Variants in USH2A observed in about 807,000 individuals in gnomAD.
USH2A encodes the protein usherin, also known as Usher syndrome 2A (autosomal recessive, mild).
USH2A carries 443 observed loss-of-function variants against 538.9 expected under a neutral mutation model. The observed-to-expected ratio is 0.82, with a 90% CI of 0.76 to 0.89. USH2A has a LOEUF of 0.89. Ranked by LOEUF, USH2A falls within the 40% of genes least tolerant of loss-of-function variation. USH2A has a pLI of 0.00. For missense variants in USH2A, 6,633 were observed against 6,324.8 expected, an observed-to-expected ratio of 1.05 and a Z score of -1.65; for synonymous variants, 2,413 against 2,273.5, an observed-to-expected ratio of 1.06 and a Z score of -1.75.
At chr1:216,150,291 T>C (rs1275365856) in intron 21 of USH2A, among the ~76,000 whole-genome samples, 4 of 152,250 alleles carry the variant, frequency 2.6e-5, no homozygotes, top group African/African-American at 9.6e-5. Context: ...TTAAAGTGGA[T>C]AGATGATCTT....
At chr1:215,964,405 C>A (rs540795977) in intron 37 of USH2A, among the ~76,000 whole-genome samples, 4 of 152,176 alleles carry the variant, frequency 2.6e-5, no homozygotes, top group African/African-American at 4.8e-5. Flanking sequence ...AATAACCACC[C>A]TTTTCAAATT....
At chr1:216,224,376 CT>C (rs2035521539) in intron 14 of USH2A, among the ~76,000 whole-genome samples, 2 of 152,066 alleles carry the variant, frequency 1.3e-5, no homozygotes, top group South Asian at 2.1e-4. Context: ...ACACTATATA[CT>C]TTTTTGCATT....
intron 61 of USH2A, among the ~76,000 whole-genome samples, chr1:215,685,303 T>C (rs1658384908): frequency 6.6e-6 from 1 of 151,572 alleles, no homozygotes; most frequent in African/African-American, 2.4e-5. Flanking sequence ...CATATTTATG[T>C]CTAATACTAT....
chr1:215,877,974 T>C, intron 42 of USH2A, 94 bp from the exon 43 acceptor site: 2 of 1,527,244 alleles, frequency 1.3e-6, no homozygotes, highest in African/African-American at 1.4e-5. Context: ...GCGTGTGATA[T>C]ATGCGTGGAA....
chr1:215,979,099 G>GAAGGA (rs2102465175), intron 35 of USH2A, among the ~76,000 whole-genome samples: 1 of 152,304 alleles, frequency 6.6e-6, no homozygotes, highest in South Asian at 2.1e-4. Context: ...GGCAGAAGGT[G>GAAGGA]GAGGAGGAGC....
At chr1:216,273,798 T>C (rs576662151) in intron 11 of USH2A, among the ~76,000 whole-genome samples, 89 of 144,984 alleles carry the variant, frequency 6.1e-4, no homozygotes, top group African/African-American at 2.3e-3. Flanking sequence ...TTACCCCAAA[T>C]TGTCCTCCAA....
intron 49 of USH2A, among the ~76,000 whole-genome samples, chr1:215,806,711 A>C (rs1662512131): frequency 6.6e-6 from 1 of 152,104 alleles, no homozygotes; most frequent in African/African-American, 2.4e-5. Flanking sequence ...CAAAATGATA[A>C]AAGACTTGTG....
intron 22 of USH2A, among the ~76,000 whole-genome samples, chr1:216,091,954 G>A (rs561692769): frequency 6.6e-6 from 1 of 152,206 alleles, no homozygotes; most frequent in African/African-American, 2.4e-5. Context: ...CACTTTGAGA[G>A]GCCAAGGTGG....
At chr1:216,010,182 C>T (rs964062318) in intron 32 of USH2A, among the ~76,000 whole-genome samples, 13 of 152,156 alleles carry the variant, frequency 8.5e-5, no homozygotes, top group African/African-American at 2.4e-4. Flanking sequence ...CACTGTGAGA[C>T]GAACCCCAGC....
intron 61 of USH2A, among the ~76,000 whole-genome samples, chr1:215,720,998 A>G (rs906085358): frequency 1.3e-5 from 2 of 152,178 alleles, no homozygotes; most frequent in African/African-American, 2.4e-5. Flanking sequence ...AGAAAGAGGA[A>G]AATGACCATG....
intron 21 of USH2A, among the ~76,000 whole-genome samples, chr1:216,139,349 T>A (rs1423516072): frequency 6.6e-6 from 1 of 151,194 alleles, no homozygotes; most frequent in Non-Finnish European, 1.5e-5. Context: ...GTTAAAAATC[T>A]CGAAGTTATA....
intron 23 of USH2A, chr1:216,087,055 C>T (rs1335123572): frequency 1.2e-5 from 6 of 482,742 alleles, no homozygotes; most frequent in East Asian, 8.5e-5. Context: ...TACCCATAGG[C>T]ACCCCCTAAG....
intron 21 of USH2A, among the ~76,000 whole-genome samples, chr1:216,146,844 C>A (rs2033716752): frequency 1.3e-5 from 2 of 152,138 alleles, no homozygotes; most frequent in African/African-American, 4.8e-5. Context: ...CTCCTTTAGC[C>A]TGTGTCCTTA....
In USH2A at chr1:215,624,325, C is replaced by T. The variant is rs1412619800; in HGVS notation, c.*1456G>A. 1 of 152,024 alleles carries T rather than the reference C, an allele frequency of 6.6e-6. No individual in the cohort carries two copies. The highest frequency in any genetic ancestry group is 1.5e-5 in the Non-Finnish European group (1 of 67,996). 9.4% of individuals were successfully genotyped at this position (152,024 alleles called of 1,614,324 possible). The stretch of plus-strand genomic sequence containing the variant: ...ACAGAGCTAGATGAAATCTCAATAC[C>T]CAAAAAGTCCACAATCTTTTACTGT... On this transcript the variant is annotated 3_prime_UTR_variant, in exon 72 of 72. Transcript: ENST00000307340.
At chr1:215,745,894 G>C (rs1475646738) in intron 58 of USH2A, among the ~76,000 whole-genome samples, 3 of 152,156 alleles carry the variant, frequency 2.0e-5, no homozygotes, top group Non-Finnish European at 4.4e-5. Context: ...ACAAATGATG[G>C]ATAAGTAAAA....
intron 7 of USH2A, 84 bp from the exon 8 acceptor site, chr1:216,323,779 A>G: frequency 1.6e-6 from 2 of 1,249,072 alleles, no homozygotes; most frequent in South Asian, 1.2e-5. Flanking sequence ...AAATTACTAC[A>G]CAGTATCAAT....
chr1:216,143,316 T>C (rs912653175), intron 21 of USH2A, among the ~76,000 whole-genome samples: 2 of 152,172 alleles, frequency 1.3e-5, no homozygotes, highest in Admixed American at 1.3e-4. Flanking sequence ...TCAGATATTA[T>C]CTAGCATAAA....
rs190557238 is a variant in USH2A at position 215,774,227 on chromosome 1, T to C, written c.10939+5616A>G. Among the ~76,000 whole-genome samples the C allele has an allele frequency of 9.9e-5, 15 of 152,278 alleles. 1 individual carries two copies. In the East Asian group the frequency reaches 2.5e-3, roughly 26 times the overall value. On this transcript the variant is annotated intron_variant, in intron 55 of 71. Coordinates refer to ENST00000307340, the MANE Select transcript of USH2A (RefSeq NM_206933.4). ...GACTTTTAGTTCTGACTACTTGCTA[T>C]AAGCTAACTTGCGTTATTAATTCTA... is the stretch of plus-strand genomic sequence containing the variant.
rs573994360 is a variant in USH2A, at chr1:216,187,453, T to C, written c.4396+2770A>G. 7.5e-4 allele frequency among the ~76,000 whole-genome samples: 114 copies of C among 152,072 alleles called. 1 individual carries two copies. Among genetic ancestry groups the C allele is most frequent in the African/African-American group, 2.7e-3 (114 of 41,520 alleles). ...ACCAACAAATGTGAAATTTGCTGTT[T>C]TTGAGCAAAGTTTTGAAATGTGCAT... is the stretch of plus-strand genomic sequence containing the variant. On this transcript the variant is annotated intron_variant, in intron 20 of 71. Transcript: ENST00000307340.
Sources: gnomAD v4.1 joint callset for allele counts (sites outside exome capture counted in the v4.1 genomes callset) on GRCh38, gnomAD v4.1.1 for gene constraint, MANE v1.5 for transcripts, NCBI Gene and HGNC (gene_info 2026-07-23, HGNC 2026-07-21) for gene names.